IQSEC1: variants seen among roughly 807,000 people sequenced by gnomAD.
The protein encoded by IQSEC1 is IQ motif and SEC7 domain-containing protein 1.
In IQSEC1, 31 loss-of-function variants were observed where a neutral mutation model predicts 91.0. The ratio of observed to expected loss-of-function variants is 0.34; its 90% CI spans 0.26 to 0.46. The LOEUF (loss-of-function observed/expected upper bound fraction) is 0.46, where lower values mean the gene tolerates loss of function less well. Among genes scored for constraint, IQSEC1 ranks in the 20% least tolerant of loss-of-function variants. The probability of loss-of-function intolerance (pLI) is 1.00; values close to 1 mark genes in which losing one functional copy is unlikely to be tolerated. For missense variants in IQSEC1, 1,388 were observed against 1,575.6 expected (o/e 0.88, Z 2.02); for synonymous variants, 699 against 662.6 (o/e 1.05, Z -0.84).
intron 1 of IQSEC1, among the ~76,000 whole-genome samples, chr3:12,960,891 C>T (rs1408767601): frequency 6.6e-6 from 1 of 152,238 alleles, no homozygotes; most frequent in Non-Finnish European, 1.5e-5. Flanking sequence ...ACCCACACTG[C>T]CTCTCCCTCC....
intron 1 of IQSEC1, among the ~76,000 whole-genome samples, chr3:13,269,924 G>A (rs1695565208): frequency 6.6e-6 from 1 of 152,186 alleles, no homozygotes; most frequent in African/African-American, 2.4e-5. Flanking sequence ...AGTATGTCTG[G>A]GACTCCAGAG....
chr3:13,091,685 T>C (rs1381492918), intron 2 of IQSEC1, among the ~76,000 whole-genome samples: 1 of 152,232 alleles, frequency 6.6e-6, no homozygotes, highest in Non-Finnish European at 1.5e-5. Context: ...CTGACCTGTC[T>C]GTTCACCCCA....
At chr3:13,223,100 AT>A (rs1694692057) in intron 1 of IQSEC1, among the ~76,000 whole-genome samples, 1 of 152,172 alleles carries the variant, frequency 6.6e-6, no homozygotes, top group Non-Finnish European at 1.5e-5. Flanking sequence ...GGTGTGACCC[AT>A]CCAGACCCCC....
chr3:13,104,525 T>TC (rs1264892609), intron 2 of IQSEC1, among the ~76,000 whole-genome samples: 1 of 152,206 alleles, frequency 6.6e-6, no homozygotes, highest in African/African-American at 2.4e-5. Context: ...CAAGTAGATT[T>TC]CCACCGCTGA....
At chr3:13,043,524 C>T (rs542067590) in intron 1 of IQSEC1, among the ~76,000 whole-genome samples, 1 of 152,378 alleles carries the variant, frequency 6.6e-6, no homozygotes, top group African/African-American at 2.4e-5. Flanking sequence ...GGTCCCACTC[C>T]AGCACCCCTC....
chr3:12,935,664 T>C lies in IQSEC1; in HGVS notation c.1352A>G (p.Tyr451Cys), dbSNP rs765167842. The C allele has an allele frequency of 3.7e-6, 6 of 1,613,942 alleles. No individual in the cohort carries two copies. Among genetic ancestry groups the C allele is most frequent in the Non-Finnish European group, 4.2e-6 (5 of 1,180,024 alleles). ...GATGCTGTCATTGTCACCGTCTGAG[T>C]AGTCCGACTCAGACTTGCTCTGCCG... ...ANRQSKSESD[Y>C]SDGDNDSINS... Residue 451 changes from tyrosine (Y) to cysteine (C), a missense_variant, in exon 3 of 14, where the codon TAC (tyrosine) becomes TGC (cysteine). Physicochemically the swap from Tyr to Cys is radical, Grantham distance 194 (BLOSUM62 -2). This residue lies in a region of IQSEC1 where 1,059 missense variants were observed against 1,317.8 expected (regional missense o/e 0.80). Coordinates refer to ENST00000613206, the MANE Select transcript of IQSEC1 (RefSeq NM_001134382.3). The surrounding 1 kb of genome is among the most constrained non-coding windows in gnomAD (Gnocchi z 8.0).
At chr3:12,938,124 C>T (rs1400478934) in intron 2 of IQSEC1, among the ~76,000 whole-genome samples, 1 of 152,224 alleles carries the variant, frequency 6.6e-6, no homozygotes, top group African/African-American at 2.4e-5. Context: ...AGCCAGGCCT[C>T]TTGGGGTGCT....
chr3:13,029,712 ATG>A (rs1213260407), intron 1 of IQSEC1, among the ~76,000 whole-genome samples: 6 of 152,172 alleles, frequency 3.9e-5, no homozygotes, highest in Non-Finnish European at 7.4e-5. Flanking sequence ...GCGGTGTGAG[ATG>A]TGTGTGTGCG....
At chr3:13,130,341 C>CAAAAAA (rs58162524) in intron 2 of IQSEC1, among the ~76,000 whole-genome samples, 2 of 61,860 alleles carry the variant, frequency 3.2e-5, no homozygotes, top group African/African-American at 8.4e-5. Flanking sequence ...GAGACTCTGT[C>CAAAAAA]AAAAAAAAAA....
In IQSEC1 at chr3:12,967,864, C is replaced by CA. The variant is rs1224381938; in HGVS notation, c.24-26000dup. ...GAAGAGAGCACAGGAGGCGTGGCCA[C>CA]ACGGCGCCGCGGAAGAAGCACAGGG... On this transcript the variant is annotated intron_variant, in intron 1 of 13. Coordinates refer to ENST00000613206, the MANE Select transcript of IQSEC1 (RefSeq NM_001134382.3). The surrounding 1 kb of genome is among the most constrained non-coding windows in gnomAD (Gnocchi z 5.9). 1.4e-5 allele frequency among the ~76,000 whole-genome samples: 2 copies of CA among 140,754 alleles called. No homozygotes were observed. The highest frequency in any genetic ancestry group is 3.0e-5 in the Non-Finnish European group (2 of 65,750). The allele number at this position is 140,754 out of a possible 152,430, so 92.3% of individuals were successfully genotyped here. A position where few individuals can be genotyped will look rare whatever the true frequency, so the allele number is the denominator to read the frequency against.
At chr3:13,128,069 G>C (rs1015446337) in intron 2 of IQSEC1, among the ~76,000 whole-genome samples, 1 of 152,086 alleles carries the variant, frequency 6.6e-6, no homozygotes, top group African/African-American at 2.4e-5. Context: ...ATTATTTATA[G>C]ATTCCTTGGG....
Position 12,992,718 on chromosome 3 carries a change from C to T in IQSEC1, c.24-50853G>A, listed in dbSNP as rs937529682. Among the ~76,000 whole-genome samples the T allele has an allele frequency of 7.9e-5, 12 of 152,192 alleles. No homozygotes were observed. Among genetic ancestry groups the T allele is most frequent in the African/African-American group, 2.7e-4 (11 of 41,444 alleles). On this transcript the variant is annotated intron_variant, in intron 1 of 13. Transcript: ENST00000613206. This position sits in a 1 kb window ranked among gnomAD's most constrained non-coding sequence, Gnocchi z 4.1. ...ACTCACAAAGCTGACCAGGCAGAGCCGACTGCTGTCCTTGTGAGCCTCATC... is the reference window on the plus strand; with the variant it reads ...ACTCACAAAGCTGACCAGGCAGAGCTGACTGCTGTCCTTGTGAGCCTCATC...
At chr3:12,933,960 G>A (rs567014243) in intron 3 of IQSEC1, among the ~76,000 whole-genome samples, 138 of 152,206 alleles carry the variant, frequency 9.1e-4, no homozygotes, top group Non-Finnish European at 1.7e-3. Flanking sequence ...CCCACTGCTG[G>A]CCTCCACCTG....
At chr3:12,987,080 C>A (rs1421683339) in intron 1 of IQSEC1, 2 of 380,498 alleles carry the variant, frequency 5.3e-6, no homozygotes, top group Admixed American at 3.2e-5. Flanking sequence ...AGCCGTCCCC[C>A]ATCTGGTGCT....
At chr3:12,934,873 G>C (rs1334629270) in intron 3 of IQSEC1, among the ~76,000 whole-genome samples, 1 of 151,992 alleles carries the variant, frequency 6.6e-6, no homozygotes, top group Non-Finnish European at 1.5e-5. Flanking sequence ...ACACAGCCCT[G>C]GGTCTGGCCT....
intron 1 of IQSEC1, among the ~76,000 whole-genome samples, chr3:13,198,700 G>T (rs1382346065): frequency 6.6e-6 from 1 of 152,212 alleles, no homozygotes; most frequent in African/African-American, 2.4e-5. Context: ...ATGTGACCAT[G>T]GGCAAGGCAC....
chr3:13,095,768 G>A lies in IQSEC1; in HGVS notation c.303-48246C>T, dbSNP rs1229436246. Among the ~76,000 whole-genome samples, 3 of 152,314 alleles carry A rather than the reference G, an allele frequency of 2.0e-5. No homozygotes were observed. In the East Asian group the frequency reaches 5.8e-4, roughly 29 times the overall value. On this transcript the variant is annotated intron_variant, in intron 2 of 15. Transcript: ENST00000648114. ...AGGGCTCCAGATGCAGCAGGACAATGGAGGCTGATTGGCAGGGAGCGGGCG... is the reference window on the plus strand; with the variant it reads ...AGGGCTCCAGATGCAGCAGGACAATAGAGGCTGATTGGCAGGGAGCGGGCG...
At chr3:13,203,285 G>C (rs1044490201) in intron 1 of IQSEC1, among the ~76,000 whole-genome samples, 1 of 152,188 alleles carries the variant, frequency 6.6e-6, no homozygotes, top group Admixed American at 6.5e-5. Context: ...TGCCCCTGCA[G>C]CTGAGGCGTA....
rs1053854808 is a variant in IQSEC1, at chr3:13,103,340, G to T, written c.303-55818C>A. On this transcript the variant is annotated intron_variant, in intron 2 of 15. Transcript: ENST00000648114. The surrounding 1 kb of genome is among the most constrained non-coding windows in gnomAD (Gnocchi z 4.1). ...GCCACCTTTTTAATTAACCGCCCCC[G>T]CCAACACACCCGAGGCACCAATAGA... Among the ~76,000 whole-genome samples the T allele has an allele frequency of 6.6e-6, 1 of 151,822 alleles. No homozygotes were observed. The highest frequency in any genetic ancestry group is 2.4e-5 in the African/African-American group (1 of 41,308).
Sources: gnomAD v4.1 joint callset for allele counts (sites outside exome capture counted in the v4.1 genomes callset) on GRCh38, gnomAD v4.1.1 for gene constraint, gnomAD v4.1.1 regional missense constraint, Gnocchi (gnomAD v3.1) non-coding constraint, MANE v1.5 for transcripts, NCBI Gene and HGNC (gene_info 2026-07-23, HGNC 2026-07-21) for gene names.